Variants in CDK12 observed in about 807,000 individuals in gnomAD.
CDK12 encodes cyclin-dependent kinase 12.
CDK12 carries 17 observed loss-of-function variants against 133.8 expected under a neutral mutation model. The observed-to-expected ratio is 0.13, with a 90% confidence interval of 0.09 to 0.19. The LOEUF (loss-of-function observed/expected upper bound fraction) is 0.19, where lower values mean the gene tolerates loss of function less well. Ranked by LOEUF, CDK12 falls within the 10% of genes least tolerant of loss-of-function variation. The pLI, the probability that CDK12 is intolerant of heterozygous loss-of-function variation, is 1.00. For missense variants in CDK12, 1,508 were observed against 1,818.7 expected, an observed-to-expected ratio of 0.83 and a Z score of 3.11; for synonymous variants, 694 against 683.6, an observed-to-expected ratio of 1.02 and a Z score of -0.24.
At chr17:39,525,681 T>C (rs2054454237) in intron 12 of CDK12, among the ~76,000 whole-genome samples, 183 bp from the exon 13 acceptor site, 1 of 152,250 alleles carries the variant, frequency 6.6e-6, no homozygotes, top group Non-Finnish European at 1.5e-5. Context: ...AGTGCCTGTA[T>C]TTCTTAAGCG....
At chr17:39,488,980 G>A (rs1031832850) in intron 2 of CDK12, among the ~76,000 whole-genome samples, 17 of 151,944 alleles carry the variant, frequency 1.1e-4, no homozygotes, top group Non-Finnish European at 2.1e-4. Flanking sequence ...GAGTGCAGTC[G>A]TGCGATCTCA....
intron 13 of CDK12, among the ~76,000 whole-genome samples, chr17:39,528,828 C>G (rs756348460): frequency 6.6e-6 from 1 of 152,168 alleles, no homozygotes; most frequent in African/African-American, 2.4e-5. Flanking sequence ...TATTTGACCT[C>G]GGTATTAAAA....
intron 2 of CDK12, among the ~76,000 whole-genome samples, chr17:39,553,337 C>A (rs2056029211): frequency 6.6e-6 from 1 of 151,860 alleles, no homozygotes; most frequent in Non-Finnish European, 1.5e-5. Flanking sequence ...GAAGGAAGGC[C>A]AAGACAGGGG....
chr17:39,486,892 C>T (rs1348245933), intron 2 of CDK12, among the ~76,000 whole-genome samples: 1 of 152,038 alleles, frequency 6.6e-6, no homozygotes, highest in Non-Finnish European at 1.5e-5. Context: ...CCTGTAGTCC[C>T]AGCTACTTGG....
chr17:39,462,146 G>C lies in CDK12; in HGVS notation c.75G>C (p.Ser25=), dbSNP rs764459801. ...CTTCTGGAACTTTGCAGCCGTCATC[G>C]GGAGGCGGCAGCTCTAACAGCAGAG... The part of the protein sequence containing the change: ...GGASGTLQPS[S]GGGSSNSRER... Residue 25 remains serine, a synonymous_variant, in exon 1 of 14, where the codon TCG becomes TCC. Transcript: ENST00000447079. 4.3e-6 allele frequency: 7 copies of C among 1,614,188 alleles called. No homozygotes were observed. Among genetic ancestry groups the C allele is most frequent in the Non-Finnish European group, 5.1e-6 (6 of 1,179,994 alleles).
At chr17:39,547,995 C>T (rs2055793574), upstream of CDK12, among the ~76,000 whole-genome samples, 1 of 152,136 alleles carries the variant, frequency 6.6e-6, no homozygotes, top group African/African-American at 2.4e-5. Context: ...ACCTTGAGCA[C>T]CAGCATTTAT....
At chr17:39,565,276 G>T (rs2056529646), downstream of CDK12, among the ~76,000 whole-genome samples, 1 of 152,168 alleles carries the variant, frequency 6.6e-6, no homozygotes, top group Non-Finnish European at 1.5e-5. Flanking sequence ...ACCACGCCCA[G>T]CTAATTTTTT....
At chr17:39,561,006 T>A (rs1228333020) in intron 3 of CDK12, among the ~76,000 whole-genome samples, 1 of 151,940 alleles carries the variant, frequency 6.6e-6, no homozygotes, top group Non-Finnish European at 1.5e-5. Flanking sequence ...ACAGCAAGAC[T>A]CTGTCTCAAA....
chr17:39,545,933 C>G (rs1392210983), upstream of CDK12, among the ~76,000 whole-genome samples: 1 of 142,032 alleles, frequency 7.0e-6, no homozygotes, highest in Non-Finnish European at 1.5e-5. Context: ...GTAGCTGGAA[C>G]TACAGGCGCC....
chr17:39,523,004 G>T (rs899846997), intron 11 of CDK12, among the ~76,000 whole-genome samples: 1 of 152,078 alleles, frequency 6.6e-6, no homozygotes, highest in African/African-American at 2.4e-5. Flanking sequence ...AGTGAGCCGA[G>T]ATTGTGCCAG....
intron 1 of CDK12, among the ~76,000 whole-genome samples, chr17:39,466,778 T>C (rs796431819): frequency 6.6e-6 from 1 of 151,778 alleles, no homozygotes; most frequent in African/African-American, 2.4e-5. Flanking sequence ...CAGAGACACA[T>C]GCACGCTTTT....
upstream of CDK12, among the ~76,000 whole-genome samples, chr17:39,548,759 G>A (rs568810471): frequency 6.6e-6 from 1 of 152,318 alleles, no homozygotes; most frequent in South Asian, 2.1e-4. Flanking sequence ...ATCAGGCAGT[G>A]TTTCTGCTAG....
At position 39,471,472 on chromosome 17, in the gene CDK12, A is replaced by C. The variant is rs2145203255; in HGVS notation, c.1640A>C (p.Gln547Pro). 6.4e-7 allele frequency: 1 copy of C among 1,558,028 alleles called. No individual in the cohort carries two copies. The highest frequency in any genetic ancestry group is 1.7e-4 in the Middle Eastern group (1 of 5,928). The change falls in exon 2 of 14, where the codon CAG becomes CCG. Residue 547 changes from glutamine to proline, a missense_variant. Physicochemically the swap from Gln to Pro is moderately conservative, Grantham distance 76. Transcript: ENST00000447079. Reference sequence around the variant, plus strand: ...CTACCAACTACTACCCCTCCACCTCAGACACCCCCTTTGCCACCTTTGCCT... The same window carrying C: ...CTACCAACTACTACCCCTCCACCTCCGACACCCCCTTTGCCACCTTTGCCT... The part of the protein sequence containing the change: ...PPLPTTTPPP[Q>P]TPPLPPLPPI...
At chr17:39,566,686 C>G (rs984798289), downstream of CDK12, among the ~76,000 whole-genome samples, 1 of 152,202 alleles carries the variant, frequency 6.6e-6, no homozygotes, top group Non-Finnish European at 1.5e-5. Flanking sequence ...GGCAGCCCCC[C>G]TCCCCAACTC....
chr17:39,507,622 T>G (rs2146291194), intron 6 of CDK12, among the ~76,000 whole-genome samples: 1 of 152,312 alleles, frequency 6.6e-6, no homozygotes, highest in East Asian at 1.9e-4. Flanking sequence ...ATTTATTTAG[T>G]ACCTAGTATG....
At position 39,517,413 on chromosome 17, in the gene CDK12, T is replaced by C. The variant is rs571738545; in HGVS notation, c.2847-27T>C. 13 of 1,314,894 alleles carry C rather than the reference T, an allele frequency of 9.9e-6. No homozygotes were observed. In the East Asian group the frequency reaches 1.8e-4, roughly 19 times the overall value. The allele number at this position is 1,314,894 out of a possible 1,614,324, so 81.5% of individuals were successfully genotyped here. On this transcript the variant is annotated intron_variant, in intron 9 of 13. Coordinates refer to ENST00000447079, the MANE Select transcript of CDK12 (RefSeq NM_016507.4). ...TCATGATGTTGACTCACTCACTCCA[T>C]TGTTCTTGCTTTTGCTTTGTTTTCA... is the stretch of plus-strand genomic sequence containing the variant.
chr17:39,567,253 C>G (rs1430193015), downstream of CDK12: 1 of 152,228 alleles, frequency 6.6e-6, no homozygotes, highest in East Asian at 1.9e-4. Flanking sequence ...TTGCTCTGAC[C>G]TGTCTTTCTC....
At chr17:39,479,254 G>T (rs2050446376) in intron 2 of CDK12, among the ~76,000 whole-genome samples, 1 of 145,644 alleles carries the variant, frequency 6.9e-6, no homozygotes, top group Admixed American at 7.2e-5. Flanking sequence ...CTTGCAGTGA[G>T]CCGCGATCAT....
chr17:39,509,818 T>C, intron 7 of CDK12, 57 bp downstream of exon 7: 1 of 1,333,594 alleles, frequency 7.5e-7, no homozygotes, highest in Non-Finnish European at 1.1e-6. Context: ...TTTTGTTTTT[T>C]TGAGGCAGGA....
Sources: allele counts gnomAD v4.1 joint callset (sites outside exome capture counted in the v4.1 genomes callset), GRCh38; gene constraint gnomAD v4.1.1; transcripts MANE v1.5; gene names NCBI Gene and HGNC (gene_info 2026-07-23, HGNC 2026-07-21).